MBD5: variants seen among roughly 807,000 people sequenced by gnomAD.
MBD5 encodes methyl-CpG-binding domain protein 5.
In MBD5, 13 loss-of-function variants were observed where a neutral mutation model predicts 117.3. The observed-to-expected ratio is 0.11, with a 90% CI of 0.07 to 0.18. MBD5 has a LOEUF of 0.18. MBD5 is among the 10% of genes least tolerant of loss of function. The pLI is 1.00. For missense variants in MBD5, 1,879 were observed against 2,093.8 expected (o/e 0.90, Z 2.00); for synonymous variants, 727 against 766.4 (o/e 0.95, Z 0.85).
Position 148,483,757 on chromosome 2 carries a change from A to ACC in MBD5, c.3166_3167insCC (p.Asn1056ThrfsTer28). 1.3e-6 allele frequency: 2 copies of ACC among 1,550,544 alleles called. No individual in the cohort carries two copies. The highest frequency in any genetic ancestry group is 1.7e-6 in the Non-Finnish European group (2 of 1,146,960). Reference sequence around the variant, plus strand: ...GACCCTTTTAACCAGCCCCCTGGGGAACCCTTTACCAAGCTTTGCAGGCAG... The same window carrying ACC: ...GACCCTTTTAACCAGCCCCCTGGGGACCACCCTTTACCAAGCTTTGCAGGCAG... On this transcript the variant is annotated frameshift_variant, in exon 9 of 14. Coordinates refer to ENST00000642680, the MANE Select transcript of MBD5 (RefSeq NM_001378120.1). LOFTEE classifies it high-confidence loss of function.
chr2:148,477,146 C>A (rs1379877111), intron 8 of MBD5, among the ~76,000 whole-genome samples: 1 of 151,970 alleles, frequency 6.6e-6, no homozygotes, highest in Non-Finnish European at 1.5e-5. Context: ...AAAACAAACT[C>A]TTTTTCTGAC....
chr2:148,274,782 G>T (rs1701067674), intron 3 of MBD5, among the ~76,000 whole-genome samples: 2 of 151,232 alleles, frequency 1.3e-5, no homozygotes, highest in African/African-American at 2.4e-5. Context: ...GAGTGCAATG[G>T]CACGATCTCA....
intron 1 of MBD5, among the ~76,000 whole-genome samples, chr2:148,102,700 TCACACA>T (rs72105542): frequency 0.017 from 2,209 of 131,680 alleles, 33 homozygotes; most frequent in African/African-American, 0.028. Flanking sequence ...GAGAGAGAGA[TCACACA>T]CACACACACA....
intron 3 of MBD5, among the ~76,000 whole-genome samples, chr2:148,262,707 A>G (rs1053271586): frequency 3.3e-5 from 5 of 152,218 alleles, no homozygotes; most frequent in Non-Finnish European, 1.5e-5. Context: ...TGTAGTGTCT[A>G]TGTGCTTAAC....
At chr2:148,208,044 G>T (rs535882197) in intron 2 of MBD5, among the ~76,000 whole-genome samples, 25 of 152,254 alleles carry the variant, frequency 1.6e-4, no homozygotes, top group Admixed American at 2.6e-4. Context: ...GGTCCAGTGT[G>T]TTGGCAGAGC....
At chr2:148,210,980 A>G (rs192664859) in intron 2 of MBD5, among the ~76,000 whole-genome samples, 1 of 152,170 alleles carries the variant, frequency 6.6e-6, no homozygotes, top group African/African-American at 2.4e-5. Context: ...GCTGAAGTAA[A>G]TTTTTCTCCT....
rs1339099586 is a variant in MBD5 at position 148,323,817 on chromosome 2, A to C, written c.-679-18397A>C. Among the ~76,000 whole-genome samples the C allele has an allele frequency of 5.7e-3, 871 of 151,898 alleles. 9 individuals carry two copies. The highest frequency in any genetic ancestry group is 0.02 in the African/African-American group (823 of 41,416). ...TGCCTGTTCACTCTGATGGTAGTTTATTTTGCTGTGCAGAAGCTCTTTAGT... is the reference window on the plus strand; with the variant it reads ...TGCCTGTTCACTCTGATGGTAGTTTCTTTTGCTGTGCAGAAGCTCTTTAGT... On this transcript the variant is annotated intron_variant, in intron 3 of 13. Transcript: ENST00000642680.
At chr2:148,415,595 G>C (rs1399713088) in intron 4 of MBD5, among the ~76,000 whole-genome samples, 1 of 152,110 alleles carries the variant, frequency 6.6e-6, no homozygotes, top group African/African-American at 2.4e-5. Flanking sequence ...CTCATTCAGG[G>C]ATGCTAATGA....
At chr2:148,412,421 G>T (rs1231433794) in intron 4 of MBD5, among the ~76,000 whole-genome samples, 3 of 151,796 alleles carry the variant, frequency 2.0e-5, no homozygotes, top group African/African-American at 7.3e-5. Flanking sequence ...CTTTTACTTA[G>T]GATTGCTTTG....
At chr2:148,133,893 T>C (rs1046455177) in intron 1 of MBD5, among the ~76,000 whole-genome samples, 2 of 152,112 alleles carry the variant, frequency 1.3e-5, no homozygotes, top group Admixed American at 6.6e-5. Flanking sequence ...AAGTTACATA[T>C]ACTACTTTTA....
intron 1 of MBD5, among the ~76,000 whole-genome samples, chr2:148,135,428 A>G (rs994082048): frequency 6.6e-5 from 10 of 152,334 alleles, no homozygotes; most frequent in African/African-American, 1.9e-4. Context: ...CTCAAAGACA[A>G]CATACTTTAT....
At chr2:148,473,745 A>C (rs1680869783) in intron 8 of MBD5, among the ~76,000 whole-genome samples, 1 of 152,138 alleles carries the variant, frequency 6.6e-6, no homozygotes, top group East Asian at 1.9e-4. Context: ...GATAGTAGCA[A>C]AATCAGATAA....
intron 4 of MBD5, among the ~76,000 whole-genome samples, chr2:148,452,093 ATT>A (rs1472998918): frequency 6.6e-6 from 1 of 152,184 alleles, no homozygotes; most frequent in African/African-American, 2.4e-5. Flanking sequence ...TAATCATTTA[ATT>A]ATTCAGAAGA....
At chr2:148,178,994 A>T (rs1428420293) in intron 2 of MBD5, among the ~76,000 whole-genome samples, 1 of 152,238 alleles carries the variant, frequency 6.6e-6, no homozygotes, top group Non-Finnish European at 1.5e-5. Context: ...CATTTGTAAT[A>T]AGCGGTTGAT....
intron 1 of MBD5, among the ~76,000 whole-genome samples, chr2:148,060,206 G>A (rs1363800996): frequency 6.8e-6 from 1 of 148,110 alleles, no homozygotes; most frequent in Non-Finnish European, 1.5e-5. Context: ...ATATTTGGGA[G>A]GCCATGGTGG....
At chr2:148,327,843 G>A (rs529375244) in intron 3 of MBD5, among the ~76,000 whole-genome samples, 17 of 152,300 alleles carry the variant, frequency 1.1e-4, no homozygotes, top group African/African-American at 2.9e-4. Context: ...CTCTCAGCTC[G>A]TCAAAGTCAT....
At chr2:148,385,779 C>A (rs1423437692) in intron 4 of MBD5, among the ~76,000 whole-genome samples, 1 of 106,344 alleles carries the variant, frequency 9.4e-6, no homozygotes, top group Admixed American at 9.1e-5. Flanking sequence ...ACTATGCAGC[C>A]ATAAAAAAGG....
intron 1 of MBD5, chr2:148,026,068 G>GT (rs1352079256): frequency 6.6e-6 from 1 of 152,180 alleles, no homozygotes; most frequent in Non-Finnish European, 1.5e-5. Context: ...TAAAAAGAAG[G>GT]TGGGGATGCC....
intron 1 of MBD5, among the ~76,000 whole-genome samples, chr2:148,125,036 C>T (rs1430465567): frequency 6.6e-6 from 1 of 151,450 alleles, no homozygotes; most frequent in East Asian, 1.9e-4. Flanking sequence ...CTAGAACACA[C>T]TTTTTAAACG....
Sources: gnomAD v4.1 joint callset for allele counts (sites outside exome capture counted in the v4.1 genomes callset) on GRCh38, gnomAD v4.1.1 for gene constraint, MANE v1.5 for transcripts, NCBI Gene and HGNC (gene_info 2026-07-23, HGNC 2026-07-21) for gene names.